Variants in STAG1 observed in about 807,000 individuals in gnomAD.
STAG1 encodes STAG1 cohesin complex component.
A neutral mutation model predicts 170.9 loss-of-function variants in STAG1; 26 were observed. The observed-to-expected ratio is 0.15, with a 90% CI of 0.11 to 0.21. The LOEUF is 0.21. STAG1 is among the 10% of genes least tolerant of loss of function. The pLI is 1.00. For missense variants in STAG1, 964 were observed against 1,509.5 expected (o/e 0.64, Z 5.99); for synonymous variants, 514 against 497.7 (o/e 1.03, Z -0.44).
chr3:136,751,579 C>G (rs2107963177), intron 1 of STAG1, among the ~76,000 whole-genome samples: 1 of 152,260 alleles, frequency 6.6e-6, no homozygotes, highest in South Asian at 2.1e-4. Flanking sequence ...AGCATTGATG[C>G]ATCTCCCCCA....
chr3:136,621,189 C>A (rs991207035), intron 3 of STAG1, among the ~76,000 whole-genome samples: 1 of 151,768 alleles, frequency 6.6e-6, no homozygotes, highest in African/African-American at 2.4e-5. Context: ...AAAACTTAAA[C>A]AGGTTCTAAC....
intron 7 of STAG1, among the ~76,000 whole-genome samples, chr3:136,508,880 G>A (rs1047060937): frequency 1.3e-5 from 2 of 152,132 alleles, no homozygotes; most frequent in Non-Finnish European, 2.9e-5. Flanking sequence ...CTGTGTGCGC[G>A]CGTGCGCGAG....
At chr3:136,572,411 T>C (rs1329424900) in intron 4 of STAG1, among the ~76,000 whole-genome samples, 1 of 151,256 alleles carries the variant, frequency 6.6e-6, no homozygotes, top group Admixed American at 6.6e-5. Context: ...CTGGGCAATG[T>C]AGCAAAACCC....
chr3:136,603,812 G>A lies in STAG1; in HGVS notation c.297+497C>T, dbSNP rs183945281. ...TGAGGCAGGGGAATGGCGTGAACCC[G>A]GGAGGCAGAGCTTGAAGTGAGCCAA... On this transcript the variant is annotated intron_variant, in intron 4 of 33. Transcript: ENST00000383202. Among the ~76,000 whole-genome samples, 16 of 152,184 alleles carry A rather than the reference G, an allele frequency of 1.1e-4. 1 individual carries two copies. The highest frequency in any genetic ancestry group is 2.0e-4 in the Admixed American group (3 of 15,278).
chr3:136,572,620 A>AAG lies in STAG1; in HGVS notation c.298-3760_298-3759insCT, dbSNP rs1553747953. Among the ~76,000 whole-genome samples the AAG allele has an allele frequency of 6.1e-3, 900 of 148,722 alleles. 14 individuals carry two copies. The highest frequency in any genetic ancestry group is 0.021 in the African/African-American group (835 of 40,322). On this transcript the variant is annotated intron_variant, in intron 4 of 33. Transcript: ENST00000383202. ...CTGTCTCAAAAAAAAAAAAAAAAAA[A>AAG]AAGTAAGCAAGTAAGAGAACAAAGT...
intron 2 of STAG1, among the ~76,000 whole-genome samples, chr3:136,628,506 T>A (rs1559918385): frequency 6.6e-6 from 1 of 152,098 alleles, no homozygotes; most frequent in Non-Finnish European, 1.5e-5. Flanking sequence ...CCTTCAAACA[T>A]ATCGCAGGGT....
intron 20 of STAG1, among the ~76,000 whole-genome samples, chr3:136,419,370 C>T (rs944379905): frequency 3.3e-5 from 5 of 152,108 alleles, no homozygotes; most frequent in African/African-American, 1.2e-4. Context: ...TTTGTCCTTT[C>T]TTCATGGAGA....
At chr3:136,487,026 AAAAAGC>A (rs2090030050) in intron 9 of STAG1, among the ~76,000 whole-genome samples, 1 of 123,156 alleles carries the variant, frequency 8.1e-6, no homozygotes, top group African/African-American at 2.9e-5. Flanking sequence ...AAAAAAAAAA[AAAAAGC>A]AGATACAAGC....
intron 21 of STAG1, among the ~76,000 whole-genome samples, chr3:136,406,408 T>C (rs1560092746): frequency 6.6e-6 from 1 of 152,192 alleles, no homozygotes; most frequent in African/African-American, 2.4e-5. Flanking sequence ...GGGGTGAGCA[T>C]ATGACTATAA....
chr3:136,475,908 C>T (rs149223926), intron 10 of STAG1, among the ~76,000 whole-genome samples: 6 of 152,264 alleles, frequency 3.9e-5, no homozygotes, highest in South Asian at 2.1e-4. Context: ...AGAAAGAGAA[C>T]TGATGATACT....
chr3:136,601,540 T>C (rs1938675662), intron 4 of STAG1, among the ~76,000 whole-genome samples: 1 of 152,046 alleles, frequency 6.6e-6, no homozygotes, highest in Admixed American at 6.5e-5. Flanking sequence ...GACAGCTGGG[T>C]GTGGTGGCTC....
intron 4 of STAG1, among the ~76,000 whole-genome samples, chr3:136,576,094 A>C (rs1937446931): frequency 6.6e-6 from 1 of 152,182 alleles, no homozygotes; most frequent in Non-Finnish European, 1.5e-5. Flanking sequence ...CCCACGAAAC[A>C]ATTTTAATGT....
chr3:136,652,442 G>A (rs528753685), intron 1 of STAG1, among the ~76,000 whole-genome samples: 4 of 152,184 alleles, frequency 2.6e-5, no homozygotes, highest in Admixed American at 1.3e-4. Flanking sequence ...CTCCTATATT[G>A]TTTGGTGTTA....
At chr3:136,529,958 A>G (rs185111535) in intron 6 of STAG1, among the ~76,000 whole-genome samples, 75 of 152,294 alleles carry the variant, frequency 4.9e-4, no homozygotes, top group Non-Finnish European at 3.2e-4. Flanking sequence ...AGTAGATAAA[A>G]GACAGGATCC....
At chr3:136,409,763 A>C (rs1214639887) in intron 21 of STAG1, among the ~76,000 whole-genome samples, 1 of 152,212 alleles carries the variant, frequency 6.6e-6, no homozygotes, top group Non-Finnish European at 1.5e-5. Flanking sequence ...CCATTAAAAC[A>C]ACCTAAAAAG....
chr3:136,463,770 TACACAC>T (rs375928916), intron 13 of STAG1, among the ~76,000 whole-genome samples: 6 of 126,394 alleles, frequency 4.7e-5, no homozygotes, highest in African/African-American at 1.1e-4. Flanking sequence ...TGTGTGTGTA[TACACAC>T]ACACACACAC....
intron 14 of STAG1, among the ~76,000 whole-genome samples, chr3:136,445,693 C>T (rs868115154): frequency 6.6e-6 from 1 of 152,134 alleles, no homozygotes; most frequent in Admixed American, 6.5e-5. Flanking sequence ...TGAAGATTTA[C>T]AATCGCATAT....
rs565018909 is a variant in STAG1 at position 136,405,971 on chromosome 3, G to A, written c.2197-7142C>T. ...GAATGGTACAGCCACTCTGGAAAAT[G>A]GTTTGACAGTTTCTAATAAAGTTAA... On this transcript the variant is annotated intron_variant, in intron 21 of 33. Transcript: ENST00000383202. Among the ~76,000 whole-genome samples, 4 of 152,126 alleles carry A rather than the reference G, an allele frequency of 2.6e-5. No homozygotes were observed. In the South Asian group the frequency reaches 8.3e-4, roughly 32 times the overall value.
At chr3:136,377,879 T>C in intron 22 of STAG1, 127 bp from the exon 23 acceptor site, 1 of 712,744 alleles carries the variant, frequency 1.4e-6, no homozygotes, top group Non-Finnish European at 2.4e-6. Context: ...CCAAATTTAA[T>C]GTTGGGAACC....
Sources: gnomAD v4.1 joint callset for allele counts (sites outside exome capture counted in the v4.1 genomes callset) on GRCh38, gnomAD v4.1.1 for gene constraint, MANE v1.5 for transcripts, NCBI Gene and HGNC (gene_info 2026-07-23, HGNC 2026-07-21) for gene names.